CTIF: variants seen among roughly 807,000 people sequenced by gnomAD.
CTIF encodes the protein cap binding complex dependent translation initiation factor.
Under a neutral mutation model 66.0 loss-of-function variants are expected in CTIF, and 21 were observed. The observed-to-expected ratio is 0.32, with a 90% CI of 0.23 to 0.46. The LOEUF (loss-of-function observed/expected upper bound fraction) is 0.46. Ranked by LOEUF, CTIF falls within the 20% of genes least tolerant of loss-of-function variation. The probability of loss-of-function intolerance (pLI) is 1.00; values close to 1 mark genes in which losing one functional copy is unlikely to be tolerated. For missense variants in CTIF, 739 were observed against 812.7 expected (o/e 0.91, Z 1.10); for synonymous variants, 345 against 326.4 (o/e 1.06, Z -0.62).
intron 3 of CTIF, among the ~76,000 whole-genome samples, chr18:48,647,381 T>C (rs2091062026): frequency 1.3e-5 from 2 of 152,178 alleles, no homozygotes; most frequent in Non-Finnish European, 1.5e-5. Context: ...ACTGTATCAA[T>C]GTTGATACCC....
intron 7 of CTIF, among the ~76,000 whole-genome samples, chr18:48,743,613 G>A (rs1352224456): frequency 1.3e-5 from 2 of 152,204 alleles, no homozygotes; most frequent in Non-Finnish European, 2.9e-5. Flanking sequence ...AAATGAAGAA[G>A]AATGCATCAC....
chr18:48,746,921 G>A (rs202109339), intron 7 of CTIF, among the ~76,000 whole-genome samples: 2 of 152,128 alleles, frequency 1.3e-5, no homozygotes, highest in East Asian at 3.9e-4. Flanking sequence ...CCTCCAGGAA[G>A]CCCTCCCTAA....
chr18:48,602,582 G>A (rs2090109845), intron 1 of CTIF, among the ~76,000 whole-genome samples: 1 of 152,162 alleles, frequency 6.6e-6, no homozygotes, highest in African/African-American at 2.4e-5. Context: ...TCTAATAGTT[G>A]TGTTTTCATT....
At position 48,758,300 on chromosome 18, in the gene CTIF, G is replaced by A; in HGVS notation, c.966G>A (p.Glu322=). The change falls in exon 8 of 12, where the codon GAG becomes GAA. Residue 322 remains glutamate (E), a synonymous_variant. Transcript: ENST00000256413. ...AGCAGTCAGGGGGGCCAGAGGTTGA[G>A]ACAAAACGTAAAGACAGTATTCTTC... is the stretch of plus-strand genomic sequence containing the variant. ...PPQQSGGPEV[E]TKRKDSILPE... is the part of the protein sequence containing the mutation. 1.2e-6 allele frequency: 2 copies of A among 1,613,386 alleles called. No individual in the cohort carries two copies. Among genetic ancestry groups the A allele is most frequent in the East Asian group, 2.2e-5 (1 of 44,886 alleles).
intron 9 of CTIF, among the ~76,000 whole-genome samples, chr18:48,808,036 T>C (rs2068185592): frequency 6.6e-6 from 1 of 152,200 alleles, no homozygotes; most frequent in Non-Finnish European, 1.5e-5. Flanking sequence ...GAAGTGCAAC[T>C]ACCAGAGCAA....
intron 1 of CTIF, among the ~76,000 whole-genome samples, chr18:48,577,445 T>C (rs989211907): frequency 1.3e-5 from 2 of 152,246 alleles, no homozygotes; most frequent in African/African-American, 4.8e-5. Context: ...GATAGTGCCA[T>C]AGCCCCTGCG....
At chr18:48,835,209 G>A (rs535614202) in intron 10 of CTIF, among the ~76,000 whole-genome samples, 4 of 152,266 alleles carry the variant, frequency 2.6e-5, no homozygotes, top group African/African-American at 4.8e-5. Context: ...TCAGGCACAC[G>A]GCAGGGAATT....
chr18:48,647,259 A>G (rs1005647053), intron 3 of CTIF, among the ~76,000 whole-genome samples: 55 of 152,232 alleles, frequency 3.6e-4, no homozygotes, highest in African/African-American at 1.3e-3. Flanking sequence ...AAAGTAATAG[A>G]AACGGGGAAG....
In CTIF at chr18:48,859,719, G is replaced by C. The variant is rs1415577868; in HGVS notation, c.*160G>C. On this transcript the variant is annotated 3_prime_UTR_variant, in exon 12 of 12. Transcript: ENST00000256413. The stretch of plus-strand genomic sequence containing the variant: ...AGTCTGGAGCCAGACGGGGAAGGGA[G>C]CAAATCCCTGAGAGGAGTGCCCCCG... The C allele has an allele frequency of 1.1e-5, 8 of 720,566 alleles. No homozygotes were observed. The highest frequency in any genetic ancestry group is 1.7e-5 in the Non-Finnish European group (7 of 404,240). 44.6% of individuals were successfully genotyped at this position (720,566 alleles called of 1,614,324 possible). A position where few individuals can be genotyped will look rare whatever the true frequency, so the allele number is the denominator to read the frequency against.
intron 7 of CTIF, among the ~76,000 whole-genome samples, chr18:48,740,147 G>GATGC (rs2092541290): frequency 6.6e-6 from 1 of 152,210 alleles, no homozygotes; most frequent in South Asian, 2.1e-4. Context: ...CCAGGGCCTG[G>GATGC]ATGCAGGCAG....
At chr18:48,579,397 C>T (rs761505266) in intron 1 of CTIF, among the ~76,000 whole-genome samples, 9 of 152,156 alleles carry the variant, frequency 5.9e-5, no homozygotes, top group Non-Finnish European at 1.0e-4. Context: ...CTGCCTGCCT[C>T]GGCTTCCCAA....
chr18:48,669,459 T>A, intron 5 of CTIF, among the ~76,000 whole-genome samples: 1 of 151,936 alleles, frequency 6.6e-6, no homozygotes, highest in Non-Finnish European at 1.5e-5. Context: ...AGGGAGGAAC[T>A]GTTACCATCT....
At chr18:48,820,464 C>A (rs1313461845) in intron 10 of CTIF, among the ~76,000 whole-genome samples, 1 of 152,118 alleles carries the variant, frequency 6.6e-6, no homozygotes, top group African/African-American at 2.4e-5. Flanking sequence ...AAATCCACAG[C>A]ACCCACTTTG....
chr18:48,802,048 G>A (rs541761771), intron 9 of CTIF, among the ~76,000 whole-genome samples: 3 of 152,222 alleles, frequency 2.0e-5, no homozygotes, highest in African/African-American at 4.8e-5. Context: ...TGTCACCTGG[G>A]TGCAGGTCAA....
chr18:48,716,346 C>T (rs1483258900), intron 7 of CTIF, among the ~76,000 whole-genome samples: 1 of 152,186 alleles, frequency 6.6e-6, no homozygotes, highest in African/African-American at 2.4e-5. Flanking sequence ...AGAAAGCAGC[C>T]ATCCTGGGAG....
At chr18:48,825,710 T>C (rs1437758865) in intron 10 of CTIF, among the ~76,000 whole-genome samples, 1 of 152,156 alleles carries the variant, frequency 6.6e-6, no homozygotes, top group Non-Finnish European at 1.5e-5. Context: ...GTGACCAAGA[T>C]AGTCTGTTCC....
chr18:48,805,302 A>AGCCT (rs769974048), intron 9 of CTIF, among the ~76,000 whole-genome samples: 7 of 151,948 alleles, frequency 4.6e-5, no homozygotes, highest in Admixed American at 2.0e-4. Flanking sequence ...GTGAGAAAAG[A>AGCCT]GCCTTCCAGG....
intron 9 of CTIF, among the ~76,000 whole-genome samples, chr18:48,776,350 G>T (rs1391264191): frequency 6.8e-6 from 1 of 146,758 alleles, no homozygotes; most frequent in Non-Finnish European, 1.5e-5. Flanking sequence ...TGCAGTGCTC[G>T]CTGTGGGGGA....
At chr18:48,662,049 C>A (rs1274902292) in intron 3 of CTIF, 1 of 152,192 alleles carries the variant, frequency 6.6e-6, no homozygotes, top group Admixed American at 6.5e-5. Flanking sequence ...CTGCAAGAGG[C>A]CGGCTCTGCT....
Sources: allele counts gnomAD v4.1 joint callset (sites outside exome capture counted in the v4.1 genomes callset), GRCh38; gene constraint gnomAD v4.1.1; transcripts MANE v1.5; gene names NCBI Gene and HGNC (gene_info 2026-07-23, HGNC 2026-07-21).